The following ASB14 variants were observed in gnomAD, a reference collection of about 807,000 sequenced individuals.
ASB14 encodes ankyrin repeat and SOCS box protein 14.
Under a neutral mutation model 55.6 loss-of-function variants are expected in ASB14, and 63 were observed. The observed-to-expected ratio is 1.13, with a 90% CI of 0.92 to 1.40. ASB14 has a LOEUF of 1.40. ASB14 is among the 40% of genes most tolerant of loss of function. The pLI is 0.00. For synonymous variants in ASB14, 256 were observed against 259.9 expected (o/e 0.98, Z 0.15); for missense variants, 724 against 710.4 (o/e 1.02, Z -0.22).
At chr3:57,288,444 C>T (rs1197977283) in intron 3 of ASB14, among the ~76,000 whole-genome samples, 158 bp from the exon 4 acceptor site, 1 of 152,198 alleles carries the variant, frequency 6.6e-6, no homozygotes. Flanking sequence ...GACAGTAAGG[C>T]CGGTCATGTA....
At chr3:57,288,882 T>C in intron 3 of ASB14, 186 bp downstream of exon 3, 1 of 425,882 alleles carries the variant, frequency 2.3e-6, no homozygotes, top group Non-Finnish European at 4.2e-6. Flanking sequence ...GCCCGGCTAA[T>C]TTTTTGCATT....
At chr3:57,292,560 T>G (rs2061142854) in intron 1 of ASB14, 73 bp downstream of exon 1, 1 of 152,632 alleles carries the variant, frequency 6.6e-6, no homozygotes, top group Non-Finnish European at 1.5e-5. Flanking sequence ...CTAGGCAATA[T>G]CTAAATGGTT....
chr3:57,273,623 G>GAA (rs998515405), intron 10 of ASB14, among the ~76,000 whole-genome samples: 3 of 151,996 alleles, frequency 2.0e-5, no homozygotes, highest in African/African-American at 7.2e-5. Flanking sequence ...ACTTTATTGG[G>GAA]AAAAGTTTGT....
At chr3:57,290,070 T>C (rs1452245966) in intron 2 of ASB14, among the ~76,000 whole-genome samples, 1 of 152,212 alleles carries the variant, frequency 6.6e-6, no homozygotes, top group East Asian at 1.9e-4. Context: ...TTCATAGATT[T>C]AGTATTGTGT....
intron 7 of ASB14, among the ~76,000 whole-genome samples, chr3:57,279,620 C>T (rs1328210158): frequency 6.6e-6 from 1 of 151,906 alleles, no homozygotes; most frequent in Admixed American, 6.6e-5. Flanking sequence ...ATTGCTTGAA[C>T]CCGGGAGGCG....
At chr3:57,283,039 G>T in intron 6 of ASB14, 155 bp downstream of exon 6, 6 of 1,099,778 alleles carry the variant, frequency 5.5e-6, no homozygotes, top group Non-Finnish European at 7.6e-6. Flanking sequence ...CTTTATGTTA[G>T]GCTTCTCAGT....
At chr3:57,287,790 G>T in intron 5 of ASB14, 111 bp downstream of exon 5, 2 of 1,211,340 alleles carry the variant, frequency 1.7e-6, no homozygotes, top group Non-Finnish European at 2.3e-6. Flanking sequence ...CTGGTCAGTT[G>T]GGAACAGAGT....
chr3:57,287,466 G>A (rs902657064), intron 5 of ASB14, among the ~76,000 whole-genome samples: 17 of 152,098 alleles, frequency 1.1e-4, no homozygotes, highest in Middle Eastern at 3.2e-3. Context: ...CTAAAATTCC[G>A]TGGTCCAGAG....
At chr3:57,286,983 A>G (rs910436233) in intron 5 of ASB14, among the ~76,000 whole-genome samples, 9 of 152,166 alleles carry the variant, frequency 5.9e-5, no homozygotes, top group African/African-American at 2.2e-4. Context: ...ATATCTGCTC[A>G]TATTTTTAAT....
At chr3:57,279,383 T>A (rs1186035183) in intron 7 of ASB14, among the ~76,000 whole-genome samples, 1 of 146,028 alleles carries the variant, frequency 6.8e-6, no homozygotes, top group Non-Finnish European at 1.5e-5. Flanking sequence ...CAAGCAATTC[T>A]CCTAAGAGTT....
intron 10 of ASB14, among the ~76,000 whole-genome samples, chr3:57,273,651 C>A (rs1238883630): frequency 6.6e-6 from 1 of 151,804 alleles, no homozygotes; most frequent in Non-Finnish European, 1.5e-5. Flanking sequence ...GCAAACTAAT[C>A]GATCACTGGT....
At chr3:57,280,568 TAGTG>T in intron 6 of ASB14, 95 bp from the exon 7 acceptor site, 2 of 1,073,546 alleles carry the variant, frequency 1.9e-6, no homozygotes, top group Non-Finnish European at 2.7e-6. Context: ...AAAAAGCAAT[TAGTG>T]AGCACGCACT....
chr3:57,286,716 G>A (rs376632145), intron 5 of ASB14, among the ~76,000 whole-genome samples: 12 of 152,286 alleles, frequency 7.9e-5, no homozygotes, highest in African/African-American at 2.4e-4. Context: ...GGTCTTTTAC[G>A]GTTCATTGAG....
intron 9 of ASB14, among the ~76,000 whole-genome samples, 177 bp downstream of exon 9, chr3:57,277,590 A>G (rs1189969497): frequency 6.6e-6 from 1 of 152,214 alleles, no homozygotes; most frequent in Non-Finnish European, 1.5e-5. Context: ...TCTCCTTGGA[A>G]AAGGTAATAA....
Position 57,269,262 on chromosome 3 carries a change from TGA to T in ASB14, c.*377_*378del. On this transcript the variant is annotated 3_prime_UTR_variant, in exon 11 of 11. Coordinates refer to ENST00000487349, the MANE Select transcript of ASB14 (RefSeq NM_001142733.3). ...TCGAGGGTTTTACTATAATATATAG[TGA>T]GAGATGATTGATGATGGGCTTTATT... is the stretch of plus-strand genomic sequence containing the variant. The T allele has an allele frequency of 3.2e-6, 1 of 312,426 alleles. No homozygotes were observed. The highest frequency in any genetic ancestry group is 5.9e-6 in the Non-Finnish European group (1 of 168,606). 19.4% of individuals were successfully genotyped at this position (312,426 alleles called of 1,614,324 possible).
chr3:57,290,721 T>C (rs1375959822), intron 2 of ASB14, among the ~76,000 whole-genome samples: 1 of 152,218 alleles, frequency 6.6e-6, no homozygotes, highest in Non-Finnish European at 1.5e-5. Context: ...TTCAATACTC[T>C]CCTTAGCCCA....
Position 57,289,636 on chromosome 3 carries a change from T to C in ASB14, c.123-513A>G, listed in dbSNP as rs76286285. 7.2e-3 allele frequency among the ~76,000 whole-genome samples: 1,090 copies of C among 152,134 alleles called. 13 individuals are homozygous for C. The highest frequency in any genetic ancestry group is 0.025 in the African/African-American group (1,020 of 41,514). Reference sequence around the variant, plus strand: ...TATTATTTAAGGCTTTAAATCTCAATTTATGAAACTTATTTTAAAACCTAG... The same window carrying C: ...TATTATTTAAGGCTTTAAATCTCAACTTATGAAACTTATTTTAAAACCTAG... On this transcript the variant is annotated intron_variant, in intron 2 of 10. Transcript: ENST00000487349.
chr3:57,274,009 G>A, intron 10 of ASB14, among the ~76,000 whole-genome samples: 1 of 151,774 alleles, frequency 6.6e-6, no homozygotes, highest in African/African-American at 2.4e-5. Context: ...TTTCTATATT[G>A]AAAGATATAA....
chr3:57,275,997 C>T (rs12495908), intron 10 of ASB14, among the ~76,000 whole-genome samples: 56,110 of 151,950 alleles, frequency 0.37, 12,513 homozygotes, highest in East Asian at 0.92. Flanking sequence ...GTACTAACCC[C>T]GGTTTCAGGC....
Sources: gnomAD v4.1 joint callset for allele counts (sites outside exome capture counted in the v4.1 genomes callset) on GRCh38, gnomAD v4.1.1 for gene constraint, MANE v1.5 for transcripts, NCBI Gene and HGNC (gene_info 2026-07-23, HGNC 2026-07-21) for gene names.